The following PDE4D variants were observed in gnomAD, a reference collection of about 807,000 sequenced individuals.
PDE4D encodes 3',5'-cyclic-AMP phosphodiesterase 4D.
In PDE4D, 24 loss-of-function variants were observed where a neutral mutation model predicts 87.4. That is an observed-to-expected ratio of 0.27 (90% CI 0.20 to 0.39). The LOEUF is 0.39. PDE4D is among the 10% of genes least tolerant of loss of function. The pLI, the probability that PDE4D is intolerant of heterozygous loss-of-function variation, is 1.00. For missense variants in PDE4D, 714 were observed against 1,041.0 expected (o/e 0.69, Z 4.32); for synonymous variants, 384 against 383.2 (o/e 1.00, Z -0.02).
At chr5:59,118,071 T>C (rs1452796677) in intron 5 of PDE4D, among the ~76,000 whole-genome samples, 1 of 152,210 alleles carries the variant, frequency 6.6e-6, no homozygotes, top group African/African-American at 2.4e-5. Flanking sequence ...GCTAGCTATT[T>C]TGTATTCTTC....
At chr5:59,085,423 T>A (rs1767491138) in intron 5 of PDE4D, among the ~76,000 whole-genome samples, 1 of 152,178 alleles carries the variant, frequency 6.6e-6, no homozygotes, top group African/African-American at 2.4e-5. Context: ...TGACAGTTCG[T>A]TTTCTCCCCC....
intron 3 of PDE4D, among the ~76,000 whole-genome samples, chr5:59,980,052 A>T (rs1038202383): frequency 6.6e-6 from 1 of 152,212 alleles, no homozygotes; most frequent in Admixed American, 6.5e-5. Context: ...GTTAAGTTTG[A>T]ATCAGTATTA....
intron 1 of PDE4D, among the ~76,000 whole-genome samples, chr5:60,417,241 A>G (rs1033608786): frequency 6.6e-6 from 1 of 152,248 alleles, no homozygotes; most frequent in Non-Finnish European, 1.5e-5. Context: ...TTAATCTGTG[A>G]GATGAGTACA....
intron 1 of PDE4D, among the ~76,000 whole-genome samples, chr5:60,478,407 T>C (rs1376494205): frequency 6.6e-6 from 1 of 152,156 alleles, no homozygotes; most frequent in East Asian, 1.9e-4. Context: ...GCCACGTACG[T>C]TCACTTCATC....
At chr5:59,030,422 C>CAAAAAAAA (rs373275661) in intron 6 of PDE4D, among the ~76,000 whole-genome samples, 527 of 57,478 alleles carry the variant, frequency 9.2e-3, no homozygotes, top group Non-Finnish European at 0.01. Context: ...AACAGAGATA[C>CAAAAAAAA]AAAAAAAAAA....
At chr5:60,182,645 G>C (rs1010942776) in intron 2 of PDE4D, among the ~76,000 whole-genome samples, 3 of 152,050 alleles carry the variant, frequency 2.0e-5, no homozygotes, top group South Asian at 2.1e-4. Flanking sequence ...TTGGGAAGCC[G>C]AGGCGGGCGG....
intron 2 of PDE4D, among the ~76,000 whole-genome samples, chr5:60,043,969 G>C (rs552698785): frequency 7.2e-5 from 11 of 152,224 alleles, no homozygotes; most frequent in African/African-American, 2.4e-4. Flanking sequence ...TTGCCAATGA[G>C]ATTTCTGATG....
chr5:60,467,901 A>C (rs1288410722), intron 1 of PDE4D, among the ~76,000 whole-genome samples: 1 of 152,098 alleles, frequency 6.6e-6, no homozygotes, highest in Non-Finnish European at 1.5e-5. Flanking sequence ...CAAGGGGGAA[A>C]TCCACCCCCA....
At chr5:59,994,165 G>A (rs2152834424) in intron 2 of PDE4D, among the ~76,000 whole-genome samples, 2 of 151,564 alleles carry the variant, frequency 1.3e-5, no homozygotes, top group East Asian at 1.9e-4. Context: ...TAAAACACAG[G>A]CATGCACATT....
At chr5:59,191,188 GT>G (rs549056512) in intron 3 of PDE4D, among the ~76,000 whole-genome samples, 1 of 151,584 alleles carries the variant, frequency 6.6e-6, no homozygotes, top group African/African-American at 2.4e-5. Flanking sequence ...AATTCCATTA[GT>G]TTTTTTTCCT....
At chr5:59,912,767 T>C (rs1753592736) in intron 3 of PDE4D, among the ~76,000 whole-genome samples, 1 of 152,180 alleles carries the variant, frequency 6.6e-6, no homozygotes, top group Non-Finnish European at 1.5e-5. Flanking sequence ...GATACTGTGG[T>C]GAACAAAACA....
intron 1 of PDE4D, among the ~76,000 whole-genome samples, chr5:60,266,198 G>A (rs376338047): frequency 2.1e-4 from 32 of 152,216 alleles, no homozygotes; most frequent in African/African-American, 7.7e-4. Flanking sequence ...GTAAATGCAA[G>A]GGAGAAAGAG....
intron 1 of PDE4D, among the ~76,000 whole-genome samples, chr5:59,353,756 C>G (rs761787016): frequency 6.6e-6 from 1 of 152,004 alleles, no homozygotes; most frequent in Non-Finnish European, 1.5e-5. Flanking sequence ...TCTCCCTCTT[C>G]TTTTCTCTTT....
chr5:59,287,298 A>G (rs1046746849), intron 1 of PDE4D, among the ~76,000 whole-genome samples: 2 of 152,132 alleles, frequency 1.3e-5, no homozygotes, highest in African/African-American at 4.8e-5. Flanking sequence ...GGCCTGGGGC[A>G]GTGGTGGCCA....
intron 6 of PDE4D, among the ~76,000 whole-genome samples, chr5:59,016,750 C>CA (rs1473731695): frequency 7.2e-5 from 11 of 152,172 alleles, no homozygotes; most frequent in African/African-American, 2.2e-4. Flanking sequence ...CTTTAAACAT[C>CA]AGAGTTTTTT....
chr5:59,860,890 G>A (rs777866894), intron 1 of PDE4D, among the ~76,000 whole-genome samples: 9 of 149,774 alleles, frequency 6.0e-5, no homozygotes, highest in South Asian at 2.1e-4. Flanking sequence ...ATGGAGTCTC[G>A]CTCTGTTGCC....
chr5:59,835,567 G>A (rs1741894265), intron 1 of PDE4D, among the ~76,000 whole-genome samples: 1 of 151,856 alleles, frequency 6.6e-6, no homozygotes, highest in African/African-American at 2.4e-5. Flanking sequence ...ATACACACCT[G>A]CATACATATA....
intron 1 of PDE4D, among the ~76,000 whole-genome samples, chr5:59,384,350 T>TA (rs1786530675): frequency 6.6e-6 from 1 of 152,164 alleles, no homozygotes; most frequent in African/African-American, 2.4e-5. Context: ...GCCACGTGAC[T>TA]AATTCTGGCC....
chr5:59,673,343 T>C (rs1747526796), intron 1 of PDE4D, among the ~76,000 whole-genome samples: 1 of 152,184 alleles, frequency 6.6e-6, no homozygotes, highest in Admixed American at 6.5e-5. Context: ...GTATAAGATG[T>C]TTCCTTGTTA....
Sources: gnomAD v4.1 joint callset for allele counts (sites outside exome capture counted in the v4.1 genomes callset) on GRCh38, gnomAD v4.1.1 for gene constraint, MANE v1.5 for transcripts, NCBI Gene and HGNC (gene_info 2026-07-23, HGNC 2026-07-21) for gene names.